Variants in PRAMEF15 observed in about 807,000 individuals in gnomAD.
PRAMEF15 encodes the protein PRAME family member 15.
Under a neutral mutation model 35.3 loss-of-function variants are expected in PRAMEF15, and 21 were observed. The ratio of observed to expected loss-of-function variants is 0.59; its 90% CI spans 0.42 to 0.86. The LOEUF is 0.86. Ranked by LOEUF, PRAMEF15 falls within the 40% of genes least tolerant of loss-of-function variation. The pLI is 0.00. For synonymous variants in PRAMEF15, 122 were observed against 223.3 expected (o/e 0.55, Z 4.05); for missense variants, 360 against 574.1 (o/e 0.63, Z 3.81).
intron 1 of PRAMEF15, among the ~76,000 whole-genome samples, chr1:13,316,605 A>T (rs1214710110): frequency 1.1e-4 from 16 of 152,080 alleles, no homozygotes; most frequent in African/African-American, 3.1e-4. Flanking sequence ...CAGTGAGCCA[A>T]GATGGTGCCA....
At position 13,318,573 on chromosome 1, in the gene PRAMEF15, C is replaced by G. The variant is rs1640036811; in HGVS notation, c.166C>G (p.Leu56Val). 1 of 1,613,818 alleles carries G rather than the reference C, an allele frequency of 6.2e-7. No homozygotes were observed. The highest frequency in any genetic ancestry group is 1.3e-5 in the African/African-American group (1 of 74,912). The change falls in exon 2 of 4, where the codon CTG (leucine) becomes GTG (valine). Residue 56 changes from leucine (L) to valine (V), a missense_variant. This residue lies in a region of PRAMEF15 where 5 missense variants were observed against 67.7 expected (regional missense o/e 0.07). Transcript: ENST00000376152. Reference sequence around the variant, plus strand: ...CAGGAGACGCTGTGAGGCCCTGAAGCTGATGGTGCAGGCCTGGCCCTTCCG... The same window carrying G: ...CAGGAGACGCTGTGAGGCCCTGAAGGTGATGGTGCAGGCCTGGCCCTTCCG... ...FSRRRCEALK[L>V]MVQAWPFRRL...
At position 13,321,359 on chromosome 1, in the gene PRAMEF15, C is replaced by G. The variant is rs1640081106; in HGVS notation, c.876-344C>G. Among the ~76,000 whole-genome samples, 19 of 151,316 alleles carry G rather than the reference C, an allele frequency of 1.3e-4. No individual in the cohort carries two copies. In the South Asian group the frequency reaches 4.0e-3, roughly 32 times the overall value. ...CTTCCCAAGTAGCTGGAATTGCAGG[C>G]TCCCGCCACCACACCTGGCTAATTT... On this transcript the variant is annotated intron_variant, in intron 3 of 3. Coordinates refer to ENST00000376152, the MANE Select transcript of PRAMEF15 (RefSeq NM_001098376.3).
intron 3 of PRAMEF15, among the ~76,000 whole-genome samples, chr1:13,321,295 A>G (rs1333090128): frequency 3.4e-5 from 5 of 148,474 alleles, no homozygotes; most frequent in African/African-American, 1.3e-4. Flanking sequence ...GCTCACTGCA[A>G]CCTACACCTC....
At chr1:13,317,868 G>A (rs1336301942) in intron 1 of PRAMEF15, among the ~76,000 whole-genome samples, 3 of 147,404 alleles carry the variant, frequency 2.0e-5, no homozygotes, top group East Asian at 2.0e-4. Context: ...AGAGAGAGGG[G>A]GAAAGAAAGA....
chr1:13,320,039 T>C, intron 3 of PRAMEF15, 86 bp downstream of exon 3: 1 of 1,603,342 alleles, frequency 6.2e-7, no homozygotes, highest in Non-Finnish European at 8.5e-7. Context: ...TGAGCCAGCC[T>C]ATGAGGATGA....
At position 13,322,056 on chromosome 1, in the gene PRAMEF15, T is replaced by A; in HGVS notation, c.1229T>A (p.Leu410Ter). The change falls in exon 4 of 4, where the codon TTA (leucine) becomes TAA (stop). Residue 410 changes from leucine to a stop codon, truncating the protein, a stop_gained. Transcript: ENST00000376152. LOFTEE classifies it high-confidence loss of function. ...AGCCACACAATCATACTCAAAAACT[T>A]ATGTGTGGAGCTGTATCCTGCCCCC... Reference protein sequence around the residue: ...LLSHTIILKNLCVELYPAPRE... With the variant: ...LLSHTIILKN 1 of 1,609,816 alleles carries A rather than the reference T, an allele frequency of 6.2e-7. No individual in the cohort carries two copies. The highest frequency in any genetic ancestry group is 1.1e-5 in the South Asian group (1 of 90,786).
chr1:13,318,144 T>C (rs1640030787), intron 1 of PRAMEF15, among the ~76,000 whole-genome samples: 1 of 152,058 alleles, frequency 6.6e-6, no homozygotes, highest in African/African-American at 2.4e-5. Context: ...CACTAGTCAC[T>C]GGATGGAGCA....
chr1:13,315,674 C>G lies in PRAMEF15; in HGVS notation c.-17+16C>G. On this transcript the variant is annotated intron_variant, in intron 1 of 3. Transcript: ENST00000376152. ...TCCAGATCTGGTAAGTCACTAATTT[C>G]TGTAAGGACACTCCCATCTGACCTA... is the stretch of plus-strand genomic sequence containing the variant. 1 of 151,410 alleles carries G rather than the reference C, an allele frequency of 6.6e-6. No individual in the cohort carries two copies. The highest frequency in any genetic ancestry group is 1.5e-5 in the Non-Finnish European group (1 of 67,804). 9.4% of individuals were successfully genotyped at this position (151,410 alleles called of 1,614,324 possible).
At position 13,319,339 on chromosome 1, in the gene PRAMEF15, T is replaced by G. The variant is rs4494127; in HGVS notation, c.294-33T>G. On this transcript the variant is annotated intron_variant, in intron 2 of 3. Transcript: ENST00000376152. ...GAGTTTAAGTTCAGAAATGAGTTCT[T>G]AAATTCTCAGTCTCACCTCTATTTT... is the stretch of plus-strand genomic sequence containing the variant. The G allele has an allele frequency of 8.4e-4, 1,345 of 1,601,642 alleles. 8 individuals are homozygous for G. The highest frequency in any genetic ancestry group is 2.0e-3 in the African/African-American group (147 of 74,524).
intron 1 of PRAMEF15, 79 bp downstream of exon 1, chr1:13,315,737 G>C (rs1569788173): frequency 6.6e-6 from 1 of 150,612 alleles, no homozygotes; most frequent in Non-Finnish European, 1.5e-5. Context: ...TGCAGCCTAC[G>C]ATGGCACAGA....
At chr1:13,321,478 G>T (rs1370276455) in intron 3 of PRAMEF15, among the ~76,000 whole-genome samples, 6 of 151,830 alleles carry the variant, frequency 4.0e-5, no homozygotes, top group Non-Finnish European at 7.4e-5. Flanking sequence ...GCCTCCCAAA[G>T]TGCTGGGATT....
At chr1:13,321,570 T>G in intron 3 of PRAMEF15, 133 bp from the exon 4 acceptor site, 2 of 1,430,214 alleles carry the variant, frequency 1.4e-6, no homozygotes, top group Non-Finnish European at 1.9e-6. Context: ...TCCTAAGTGT[T>G]GACCATCAGG....
intron 1 of PRAMEF15, among the ~76,000 whole-genome samples, chr1:13,317,613 T>A (rs1640023087): frequency 6.6e-6 from 1 of 151,512 alleles, no homozygotes; most frequent in Non-Finnish European, 1.5e-5. Flanking sequence ...TTACAAAAAG[T>A]CAAAAAATAG....
intron 1 of PRAMEF15, among the ~76,000 whole-genome samples, chr1:13,317,761 G>C (rs1190036340): frequency 6.6e-6 from 1 of 151,226 alleles, no homozygotes; most frequent in Non-Finnish European, 1.5e-5. Context: ...GGGTGACAGA[G>C]CAAGACTCTG....
chr1:13,318,216 C>G (rs1231751527), intron 1 of PRAMEF15, among the ~76,000 whole-genome samples, 176 bp from the exon 2 acceptor site: 2 of 151,392 alleles, frequency 1.3e-5, no homozygotes, highest in Admixed American at 6.6e-5. Flanking sequence ...GACGCTCATG[C>G]TGATGCAGCA....
chr1:13,317,969 T>G (rs1373438987), intron 1 of PRAMEF15, among the ~76,000 whole-genome samples: 1 of 150,386 alleles, frequency 6.6e-6, no homozygotes, highest in South Asian at 2.1e-4. Context: ...AAATAGAACC[T>G]GTTCTAGGGA....
At position 13,316,717 on chromosome 1, in the gene PRAMEF15, G is replaced by A. The variant is rs1441609675; in HGVS notation, c.-17+1059G>A. On this transcript the variant is annotated intron_variant, in intron 1 of 3. Transcript: ENST00000376152. ...TGGGTTACATGAAGATTTCTATTGTGTTTTCTTAGGGACTGTCATCTCTGT... is the reference window on the plus strand; with the variant it reads ...TGGGTTACATGAAGATTTCTATTGTATTTTCTTAGGGACTGTCATCTCTGT... Among the ~76,000 whole-genome samples the A allele has an allele frequency of 5.8e-3, 883 of 151,886 alleles. 15 individuals carry two copies. Among genetic ancestry groups the A allele is most frequent in the African/African-American group, 0.02 (844 of 41,318 alleles).
chr1:13,317,617 A>G (rs1234643231), intron 1 of PRAMEF15, among the ~76,000 whole-genome samples: 6 of 151,948 alleles, frequency 3.9e-5, no homozygotes, highest in Non-Finnish European at 7.4e-5. Context: ...AAAAAGTCAA[A>G]AAATAGAAGA....
chr1:13,317,240 T>G (rs1640016745), intron 1 of PRAMEF15, among the ~76,000 whole-genome samples: 22 of 151,750 alleles, frequency 1.4e-4, no homozygotes, highest in Non-Finnish European at 1.5e-5. Context: ...TGGCTAATTT[T>G]TGCTGTCTTA....
Sources: allele counts gnomAD v4.1 joint callset (sites outside exome capture counted in the v4.1 genomes callset), GRCh38; gene constraint gnomAD v4.1.1; regional missense constraint gnomAD v4.1.1; transcripts MANE v1.5; gene names NCBI Gene and HGNC (gene_info 2026-07-23, HGNC 2026-07-21).